The following EDNRB variants were observed in gnomAD, a reference collection of about 807,000 sequenced individuals.
EDNRB encodes the protein Hirschsprung disease 2.
Under a neutral mutation model 46.4 loss-of-function variants are expected in EDNRB, and 18 were observed. The ratio of observed to expected loss-of-function variants is 0.39; its 90% confidence interval spans 0.27 to 0.57. The LOEUF (loss-of-function observed/expected upper bound fraction) is 0.57. Among genes scored for constraint, EDNRB ranks in the 20% least tolerant of loss-of-function variants. The probability of loss-of-function intolerance (pLI) is 0.61; values close to 1 mark genes in which losing one functional copy is unlikely to be tolerated. For synonymous variants in EDNRB, 213 were observed against 204.9 expected (o/e 1.04, Z -0.34); for missense variants, 434 against 537.5 (o/e 0.81, Z 1.90).
chr13:77,973,766 T>C (rs1175304245), intron 1 of EDNRB, among the ~76,000 whole-genome samples: 1 of 152,134 alleles, frequency 6.6e-6, no homozygotes, highest in Non-Finnish European at 1.5e-5. Context: ...CTTGCATGAA[T>C]TTCCTTTTAT....
chr13:77,963,484 A>G (rs2137687378), intron 1 of EDNRB, among the ~76,000 whole-genome samples: 1 of 152,310 alleles, frequency 6.6e-6, no homozygotes, highest in South Asian at 2.1e-4. Context: ...CAACAATCTG[A>G]TCTTTGATAA....
chr13:77,899,781 A>C, intron 6 of EDNRB, 78 bp downstream of exon 6: 1 of 1,056,626 alleles, frequency 9.5e-7, no homozygotes, highest in South Asian at 1.3e-5. Context: ...ATCTGTCTGG[A>C]TAGATATATT....
At position 77,898,530 on chromosome 13, in the gene EDNRB, G is replaced by T. The variant is rs150470129; in HGVS notation, c.1195-196C>A. ...ATAATTTTTTAACTAAAAAAATGCA[G>T]AGAAGAAAAAAACCTACATAGTTAA... is the stretch of plus-strand genomic sequence containing the variant. On this transcript the variant is annotated intron_variant, in intron 6 of 6. Transcript: ENST00000646607. Among the ~76,000 whole-genome samples, 547 of 151,870 alleles carry T rather than the reference G, an allele frequency of 3.6e-3. 5 individuals are homozygous for T. The highest frequency in any genetic ancestry group is 0.012 in the African/African-American group (510 of 41,482).
At chr13:77,971,720 C>A (rs1160636745) in intron 1 of EDNRB, among the ~76,000 whole-genome samples, 1 of 151,990 alleles carries the variant, frequency 6.6e-6, no homozygotes, top group East Asian at 1.9e-4. Context: ...TGATTTCAAG[C>A]TTTAAATTGA....
intron 1 of EDNRB, among the ~76,000 whole-genome samples, chr13:77,959,385 A>G (rs1364326291): frequency 5.3e-5 from 8 of 152,208 alleles, no homozygotes; most frequent in African/African-American, 1.9e-4. Flanking sequence ...CTGTTCAGCA[A>G]TATTCGCTGT....
At chr13:77,938,370 T>C (rs577401893) in intron 1 of EDNRB, among the ~76,000 whole-genome samples, 7 of 151,594 alleles carry the variant, frequency 4.6e-5, no homozygotes, top group African/African-American at 1.7e-4. Context: ...AAATTAGGGA[T>C]TGGGGGGTTC....
At chr13:77,940,741 A>G (rs1333102583) in intron 1 of EDNRB, among the ~76,000 whole-genome samples, 3 of 139,046 alleles carry the variant, frequency 2.2e-5, no homozygotes, top group Middle Eastern at 3.6e-3. Flanking sequence ...GTGTGTGTGT[A>G]GGTCATGATG....
At chr13:77,966,752 G>A (rs943361137) in intron 1 of EDNRB, among the ~76,000 whole-genome samples, 1 of 152,150 alleles carries the variant, frequency 6.6e-6, no homozygotes, top group African/African-American at 2.4e-5. Context: ...TTTTGCAGAA[G>A]TAAAAATTTT....
chr13:77,906,421 TG>T (rs1337675107), intron 1 of EDNRB, among the ~76,000 whole-genome samples: 2 of 152,044 alleles, frequency 1.3e-5, no homozygotes, highest in Admixed American at 6.6e-5. Context: ...TCCCTGCCTT[TG>T]AATGTGGATT....
chr13:77,955,896 T>TC (rs1881225375), intron 1 of EDNRB, among the ~76,000 whole-genome samples: 1 of 151,606 alleles, frequency 6.6e-6, no homozygotes, highest in Non-Finnish European at 1.5e-5. Context: ...TATCTATCTA[T>TC]TTTTATGCCA....
chr13:77,923,178 T>C (rs1880134730), upstream of EDNRB, among the ~76,000 whole-genome samples: 1 of 152,210 alleles, frequency 6.6e-6, no homozygotes, highest in African/African-American at 2.4e-5. Context: ...ATACATTCTT[T>C]TTTTCTGAGA....
At chr13:77,901,515 ACTTATC>A (rs1174806553) in intron 3 of EDNRB, among the ~76,000 whole-genome samples, 7 of 152,048 alleles carry the variant, frequency 4.6e-5, no homozygotes, top group Admixed American at 1.3e-4. Context: ...CACATAAGAA[ACTTATC>A]CTTAGAGTAT....
At chr13:77,929,839 T>C (rs1190229265) in intron 1 of EDNRB, among the ~76,000 whole-genome samples, 1 of 152,204 alleles carries the variant, frequency 6.6e-6, no homozygotes, top group Non-Finnish European at 1.5e-5. Flanking sequence ...AGAGTAAGAA[T>C]AGTGTCTCCA....
In EDNRB at chr13:77,896,600, A is replaced by G. The variant is rs201570543; in HGVS notation, c.*1600T>C. ...AAAGTAAAAATTTGGGCATATTTTA[A>G]GACCGAGTTAAAGCTCTTGGGCCCA... On this transcript the variant is annotated 3_prime_UTR_variant, in exon 7 of 7. Transcript: ENST00000646607. The G allele has an allele frequency of 2.1e-4, 326 of 1,542,402 alleles. 2 individuals carry two copies. The highest frequency in any genetic ancestry group is 1.9e-3 in the Middle Eastern group (9 of 4,850).
At chr13:77,948,433 G>A (rs997293855) in intron 1 of EDNRB, among the ~76,000 whole-genome samples, 1 of 152,142 alleles carries the variant, frequency 6.6e-6, no homozygotes, top group East Asian at 1.9e-4. Flanking sequence ...GCAGTGCTTG[G>A]TACTACATTT....
At chr13:77,915,711 T>C (rs1879776648) in intron 1 of EDNRB, among the ~76,000 whole-genome samples, 2 of 152,210 alleles carry the variant, frequency 1.3e-5, no homozygotes, top group African/African-American at 4.8e-5. Flanking sequence ...TGTCTCAAGC[T>C]AAACCTAAGG....
At position 77,937,134 on chromosome 13, in the gene EDNRB, G is replaced by C. The variant is rs552947063; in HGVS notation, c.-51-18510C>G. 7.9e-5 allele frequency among the ~76,000 whole-genome samples: 12 copies of C among 152,316 alleles called. No individual in the cohort carries two copies. In the East Asian group the frequency reaches 1.9e-3, roughly 24 times the overall value. On this transcript the variant is annotated intron_variant, in intron 1 of 7. Coordinates refer to the EDNRB transcript ENST00000646948. ...GGCGGTAAAGCGTCTAAGGGTTGCT[G>C]CTAAGTGGGCCCTGAACTGGGCTGG...
chr13:77,907,874 C>G (rs7990782), intron 1 of EDNRB, among the ~76,000 whole-genome samples: 1 of 151,788 alleles, frequency 6.6e-6, no homozygotes, highest in African/African-American at 2.4e-5. Context: ...AGCCCAACCT[C>G]TGACCCAAGC....
At chr13:77,966,518 C>A (rs1468003234) in intron 1 of EDNRB, among the ~76,000 whole-genome samples, 3 of 152,120 alleles carry the variant, frequency 2.0e-5, no homozygotes, top group African/African-American at 4.8e-5. Flanking sequence ...ACTTTAATGA[C>A]AAAACATGCT....
Sources: allele counts gnomAD v4.1 joint callset (sites outside exome capture counted in the v4.1 genomes callset), GRCh38; gene constraint gnomAD v4.1.1; transcripts MANE v1.5; gene names NCBI Gene and HGNC (gene_info 2026-07-23, HGNC 2026-07-21).